Variants in PLPP1 observed in about 807,000 individuals in gnomAD.
The protein encoded by PLPP1 is phospholipid phosphatase 1, also known as lipid phosphate phosphohydrolase 1a.
A neutral mutation model predicts 31.2 loss-of-function variants in PLPP1; 24 were observed. The ratio of observed to expected loss-of-function variants is 0.77; its 90% CI spans 0.56 to 1.08. PLPP1 has a LOEUF of 1.08. PLPP1 is among the 50% of genes least tolerant of loss of function. The pLI, the probability that PLPP1 is intolerant of heterozygous loss-of-function variation, is 0.00. For missense variants in PLPP1, 319 were observed against 342.7 expected (o/e 0.93, Z 0.55); for synonymous variants, 146 against 126.3 (o/e 1.16, Z -1.05).
rs2111777682 is a variant in PLPP1, at chr5:55,464,425, G to T, written c.491+3444C>A. Among the ~76,000 whole-genome samples, 2 of 152,074 alleles carry T rather than the reference G, an allele frequency of 1.3e-5. 1 individual carries two copies. Among genetic ancestry groups the T allele is most frequent in the Middle Eastern group, 6.8e-3 (2 of 294 alleles). On this transcript the variant is annotated intron_variant, in intron 3 of 5. Transcript: ENST00000307259. ...AATTTCTGTTATTTTTAGTAGAGATGGGGTTTCACTACGTTGGCCAGGCTG... is the reference window on the plus strand; with the variant it reads ...AATTTCTGTTATTTTTAGTAGAGATTGGGTTTCACTACGTTGGCCAGGCTG...
intron 4 of PLPP1, among the ~76,000 whole-genome samples, chr5:55,427,263 C>G (rs1322908588): frequency 6.6e-6 from 1 of 152,120 alleles, no homozygotes; most frequent in African/African-American, 2.4e-5. Flanking sequence ...AAATAGATGA[C>G]ACAAATCCAT....
intron 3 of PLPP1, among the ~76,000 whole-genome samples, chr5:55,449,222 T>C (rs1751840271): frequency 6.6e-6 from 1 of 152,256 alleles, no homozygotes; most frequent in African/African-American, 2.4e-5. Flanking sequence ...TAAAAATACA[T>C]AGCAAAATGA....
intron 1 of PLPP1, among the ~76,000 whole-genome samples, chr5:55,487,999 T>C (rs1239828644): frequency 6.6e-6 from 1 of 151,922 alleles, no homozygotes; most frequent in African/African-American, 2.4e-5. Context: ...TGTGGTGGTA[T>C]TGCACGGCAG....
At chr5:55,467,668 A>G (rs115784176) in intron 3 of PLPP1, among the ~76,000 whole-genome samples, 1 of 152,306 alleles carries the variant, frequency 6.6e-6, no homozygotes, top group African/African-American at 2.4e-5. Context: ...AAGAGCTGCA[A>G]TAAAACACTT....
At chr5:55,533,884 C>A (rs1362250131) in intron 1 of PLPP1, among the ~76,000 whole-genome samples, 1 of 152,142 alleles carries the variant, frequency 6.6e-6, no homozygotes, top group Non-Finnish European at 1.5e-5. Flanking sequence ...GAAGACAATG[C>A]GAAATCTGCT....
chr5:55,426,101 A>C, intron 4 of PLPP1, 62 bp from the exon 5 acceptor site: 1 of 1,394,372 alleles, frequency 7.2e-7, no homozygotes, highest in Non-Finnish European at 9.7e-7. Flanking sequence ...TTTTATATTA[A>C]GGAAGGGTTG....
intron 1 of PLPP1, among the ~76,000 whole-genome samples, chr5:55,505,681 G>A (rs931498123): frequency 6.6e-6 from 1 of 152,102 alleles, no homozygotes; most frequent in African/African-American, 2.4e-5. Flanking sequence ...AAGTGAACAA[G>A]GAAAATACCA....
chr5:55,428,070 A>G (rs1173179008), intron 4 of PLPP1, among the ~76,000 whole-genome samples: 2 of 152,116 alleles, frequency 1.3e-5, no homozygotes, highest in Non-Finnish European at 2.9e-5. Context: ...TACAGGCATG[A>G]GCCACCACAC....
intron 1 of PLPP1, among the ~76,000 whole-genome samples, chr5:55,510,680 C>T (rs1289817160): frequency 6.6e-6 from 1 of 152,200 alleles, no homozygotes; most frequent in African/African-American, 2.4e-5. Flanking sequence ...AGCTTCCATT[C>T]AGCTACTGGT....
chr5:55,425,024 C>G lies in PLPP1; in HGVS notation c.*182G>C. 1 of 832,924 alleles carries G rather than the reference C, an allele frequency of 1.2e-6. No individual in the cohort carries two copies. Among genetic ancestry groups the G allele is most frequent in the Non-Finnish European group, 1.9e-6 (1 of 538,618 alleles). 51.6% of individuals were successfully genotyped at this position (832,924 alleles called of 1,614,324 possible). On this transcript the variant is annotated 3_prime_UTR_variant, in exon 6 of 6. Transcript: ENST00000307259. Reference sequence around the variant, plus strand: ...TGGAGTTTTTTTAATGAGTTTAGAGCTATTAGATAACCACTGAGTTAAAGG... The same window carrying G: ...TGGAGTTTTTTTAATGAGTTTAGAGGTATTAGATAACCACTGAGTTAAAGG...
chr5:55,460,975 A>T (rs1233279718), intron 3 of PLPP1, among the ~76,000 whole-genome samples: 2 of 152,184 alleles, frequency 1.3e-5, no homozygotes, highest in Admixed American at 1.3e-4. Context: ...AGTTGCGACA[A>T]GGAGTTCAAG....
chr5:55,531,058 T>C (rs766102426), intron 1 of PLPP1, among the ~76,000 whole-genome samples: 6 of 152,228 alleles, frequency 3.9e-5, no homozygotes, highest in Non-Finnish European at 7.3e-5. Flanking sequence ...TCAGATAATG[T>C]ATATGGCCTG....
chr5:55,435,989 G>C (rs1751483287), intron 4 of PLPP1, among the ~76,000 whole-genome samples: 1 of 142,024 alleles, frequency 7.0e-6, no homozygotes, highest in Non-Finnish European at 1.5e-5. Context: ...CCTCCAGCCT[G>C]GGCGACAGAG....
intron 4 of PLPP1, among the ~76,000 whole-genome samples, chr5:55,436,196 T>C (rs1056973919): frequency 6.6e-5 from 10 of 152,060 alleles, no homozygotes; most frequent in African/African-American, 2.4e-4. Flanking sequence ...CAGCAAATGC[T>C]TCACTGAGAA....
intron 1 of PLPP1, among the ~76,000 whole-genome samples, chr5:55,509,991 G>A (rs1456285750): frequency 6.6e-6 from 1 of 152,182 alleles, no homozygotes; most frequent in African/African-American, 2.4e-5. Context: ...GGAGATAACT[G>A]AGGTAAAGGG....
chr5:55,512,925 A>G (rs914669691), intron 1 of PLPP1, among the ~76,000 whole-genome samples: 5 of 152,252 alleles, frequency 3.3e-5, no homozygotes, highest in Admixed American at 2.0e-4. Context: ...ACAAGGCAGG[A>G]TAGTGAATCA....
chr5:55,486,068 T>C lies in PLPP1; in HGVS notation c.59-10618A>G, dbSNP rs114296905. On this transcript the variant is annotated intron_variant, in intron 1 of 5. Transcript: ENST00000307259. ...GAGAACACCTGTTTTCTATGCTTGATAAGCTGGGAAAGTTCTTACCTTTGC... is the reference window on the plus strand; with the variant it reads ...GAGAACACCTGTTTTCTATGCTTGACAAGCTGGGAAAGTTCTTACCTTTGC... Among the ~76,000 whole-genome samples, 954 of 152,290 alleles carry C rather than the reference T, an allele frequency of 6.3e-3. 11 individuals are homozygous for C. Among genetic ancestry groups the C allele is most frequent in the African/African-American group, 0.022 (931 of 41,562 alleles).
At chr5:55,452,061 T>C (rs1417061597) in intron 3 of PLPP1, among the ~76,000 whole-genome samples, 1 of 152,134 alleles carries the variant, frequency 6.6e-6, no homozygotes, top group Non-Finnish European at 1.5e-5. Flanking sequence ...TAGAACAAAC[T>C]GTTGAGCAAA....
chr5:55,477,944 C>A (rs1175124086), intron 1 of PLPP1, among the ~76,000 whole-genome samples: 4 of 150,504 alleles, frequency 2.7e-5, no homozygotes, highest in Non-Finnish European at 4.4e-5. Flanking sequence ...TGTGCCATGG[C>A]ACTCCAGCCT....
Sources: gnomAD v4.1 joint callset for allele counts (sites outside exome capture counted in the v4.1 genomes callset) on GRCh38, gnomAD v4.1.1 for gene constraint, MANE v1.5 for transcripts, NCBI Gene and HGNC (gene_info 2026-07-23, HGNC 2026-07-21) for gene names.